Variants in TAFA4 observed in about 807,000 individuals in gnomAD.
TAFA4 encodes TAFA chemokine like family member 4.
Under a neutral mutation model 21.1 loss-of-function variants are expected in TAFA4, and 20 were observed. That is an observed-to-expected ratio of 0.95 (90% CI 0.67 to 1.38). The LOEUF (loss-of-function observed/expected upper bound fraction) is 1.38, where lower values mean the gene tolerates loss of function less well. Ranked by LOEUF, TAFA4 falls within the 40% of genes most tolerant of loss-of-function variation. The probability of loss-of-function intolerance (pLI) is 0.00; values close to 1 mark genes in which losing one functional copy is unlikely to be tolerated. For synonymous variants in TAFA4, 71 were observed against 67.4 expected (o/e 1.05, Z -0.26); for missense variants, 211 against 180.9 (o/e 1.17, Z -0.95).
intron 1 of TAFA4, among the ~76,000 whole-genome samples, chr3:68,892,146 G>C (rs2089735910): frequency 1.3e-5 from 2 of 152,152 alleles, no homozygotes; most frequent in Non-Finnish European, 2.9e-5. Context: ...AATTACTTTT[G>C]TAATTTAGAG....
At chr3:68,911,766 T>G (rs946242067) in intron 1 of TAFA4, among the ~76,000 whole-genome samples, 1 of 152,176 alleles carries the variant, frequency 6.6e-6, no homozygotes, top group Non-Finnish European at 1.5e-5. Context: ...AGAAATAAAA[T>G]GCCACAAACC....
At chr3:68,760,718 G>C (rs1316270072) in intron 3 of TAFA4, among the ~76,000 whole-genome samples, 3 of 152,202 alleles carry the variant, frequency 2.0e-5, no homozygotes, top group Non-Finnish European at 2.9e-5. Context: ...ACAGATAGTG[G>C]CTTCCCTTGG....
At chr3:68,741,322 A>AT (rs543979635) in intron 4 of TAFA4, among the ~76,000 whole-genome samples, 24 of 152,042 alleles carry the variant, frequency 1.6e-4, no homozygotes, top group Non-Finnish European at 2.6e-4. Context: ...TAGTGTACTG[A>AT]TTTTTTTACC....
intron 3 of TAFA4, among the ~76,000 whole-genome samples, chr3:68,830,482 A>G (rs1246017362): frequency 1.3e-5 from 2 of 152,142 alleles, no homozygotes; most frequent in African/African-American, 4.8e-5. Flanking sequence ...TTCACTTTCC[A>G]TGTAGTTGTG....
At chr3:68,776,610 A>T (rs1046377541) in intron 3 of TAFA4, among the ~76,000 whole-genome samples, 1 of 152,212 alleles carries the variant, frequency 6.6e-6, no homozygotes, top group Admixed American at 6.5e-5. Context: ...ACTAGACAAT[A>T]TTAACACCAC....
intron 3 of TAFA4, among the ~76,000 whole-genome samples, chr3:68,863,333 C>T (rs2089374600): frequency 6.6e-6 from 1 of 152,102 alleles, no homozygotes; most frequent in Non-Finnish European, 1.5e-5. Flanking sequence ...TTCAAAAATG[C>T]ATAAATGATA....
At chr3:68,769,584 A>G (rs1702915717) in intron 3 of TAFA4, among the ~76,000 whole-genome samples, 1 of 152,208 alleles carries the variant, frequency 6.6e-6, no homozygotes, top group South Asian at 2.1e-4. Flanking sequence ...TTTTTACTAC[A>G]AGGAAATAAT....
rs564971372 is a variant in TAFA4 at position 68,829,355 on chromosome 3, T to C, written c.130+51375A>G. On this transcript the variant is annotated intron_variant, in intron 3 of 5. Transcript: ENST00000295569. ...GAAAAGAGCTCTTATCATTTTGAGA[T>C]ACGTTCCATCAATACCTGGTTTATT... 2.7e-4 allele frequency among the ~76,000 whole-genome samples: 41 copies of C among 152,308 alleles called. 1 individual carries two copies. The highest frequency in any genetic ancestry group is 8.4e-4 in the African/African-American group (35 of 41,568).
chr3:68,775,435 A>C (rs897168753), intron 3 of TAFA4, among the ~76,000 whole-genome samples: 9 of 152,162 alleles, frequency 5.9e-5, no homozygotes, highest in Non-Finnish European at 1.5e-5. Flanking sequence ...TTCAGCTGCC[A>C]TGGAGAGAGT....
intron 3 of TAFA4, among the ~76,000 whole-genome samples, chr3:68,880,383 CAG>C (rs2089601512): frequency 6.6e-6 from 1 of 151,558 alleles, no homozygotes; most frequent in South Asian, 2.1e-4. Context: ...AAGGAAGCTG[CAG>C]GAGTGGATGG....
At chr3:68,791,308 G>GA (rs776650154) in intron 3 of TAFA4, among the ~76,000 whole-genome samples, 17 of 152,198 alleles carry the variant, frequency 1.1e-4, no homozygotes, top group Non-Finnish European at 1.6e-4. Context: ...GTAAGAAGAG[G>GA]AAAATGTCAT....
At chr3:68,918,618 G>A (rs1456769704) in intron 1 of TAFA4, among the ~76,000 whole-genome samples, 2 of 152,198 alleles carry the variant, frequency 1.3e-5, no homozygotes, top group African/African-American at 4.8e-5. Flanking sequence ...GGTCACTGCA[G>A]CCTTGACCTC....
intron 3 of TAFA4, among the ~76,000 whole-genome samples, chr3:68,802,143 A>T (rs759505414): frequency 3.5e-4 from 53 of 152,230 alleles, no homozygotes; most frequent in Admixed American, 6.5e-4. Flanking sequence ...GGTATTAAGC[A>T]ATAGGAAAAA....
At chr3:68,738,154 G>T (rs533206986) in intron 5 of TAFA4, among the ~76,000 whole-genome samples, 1 of 152,290 alleles carries the variant, frequency 6.6e-6, no homozygotes, top group Admixed American at 6.5e-5. Flanking sequence ...CCGAAAAAAT[G>T]ATGATTAGCC....
intron 1 of TAFA4, among the ~76,000 whole-genome samples, chr3:68,888,624 T>A (rs2089697913): frequency 6.6e-6 from 1 of 152,152 alleles, no homozygotes; most frequent in African/African-American, 2.4e-5. Flanking sequence ...TTTAAAAAAA[T>A]CTATTTCTCA....
In TAFA4 at chr3:68,779,560, T is replaced by A. The variant is rs1410395422; in HGVS notation, c.131-26542A>T. On this transcript the variant is annotated intron_variant, in intron 3 of 5. Coordinates refer to ENST00000295569, the MANE Select transcript of TAFA4 (RefSeq NM_182522.5). ...GCATCCTAACTGCTCCAGCCATGAC[T>A]CAAGGGGCCAAAGTACAGCTGGGCT... is the stretch of plus-strand genomic sequence containing the variant. Among the ~76,000 whole-genome samples the A allele has an allele frequency of 4.6e-5, 7 of 152,278 alleles. No individual in the cohort carries two copies. The South Asian group carries it at 1.0e-3, about 23-fold the overall frequency.
chr3:68,876,844 G>A (rs1396126906), intron 3 of TAFA4, among the ~76,000 whole-genome samples: 4 of 152,122 alleles, frequency 2.6e-5, no homozygotes, highest in Middle Eastern at 3.2e-3. Context: ...AGGATAACTA[G>A]CATTTGAGCA....
At chr3:68,759,533 C>A (rs1048081954) in intron 3 of TAFA4, among the ~76,000 whole-genome samples, 1 of 152,066 alleles carries the variant, frequency 6.6e-6, no homozygotes, top group African/African-American at 2.4e-5. Flanking sequence ...AGCCTGGTAC[C>A]AGAGAGTGGC....
intron 1 of TAFA4, among the ~76,000 whole-genome samples, chr3:68,889,275 G>A (rs916168088): frequency 6.6e-6 from 1 of 152,178 alleles, no homozygotes; most frequent in East Asian, 1.9e-4. Flanking sequence ...TACTACAAAA[G>A]AGCAGAAAGC....
Sources: gnomAD v4.1 joint callset for allele counts (sites outside exome capture counted in the v4.1 genomes callset) on GRCh38, gnomAD v4.1.1 for gene constraint, MANE v1.5 for transcripts, NCBI Gene and HGNC (gene_info 2026-07-23, HGNC 2026-07-21) for gene names.